The following CENPO variants were observed in gnomAD, a reference collection of about 807,000 sequenced individuals.
CENPO encodes the protein centromere protein O.
In CENPO, 30 loss-of-function variants were observed where a neutral mutation model predicts 36.1. The ratio of observed to expected loss-of-function variants is 0.83; its 90% CI spans 0.62 to 1.13. The LOEUF (loss-of-function observed/expected upper bound fraction) is 1.13, where lower values mean the gene tolerates loss of function less well. Ranked by LOEUF, CENPO falls within the 50% of genes most tolerant of loss-of-function variation. The pLI, the probability that CENPO is intolerant of heterozygous loss-of-function variation, is 0.00. For synonymous variants in CENPO, 171 were observed against 142.3 expected, an observed-to-expected ratio of 1.20 and a Z score of -1.44; for missense variants, 349 against 357.8, an observed-to-expected ratio of 0.98 and a Z score of 0.20.
At position 24,821,824 on chromosome 2, in the gene CENPO, G is replaced by T. The variant is rs1228012917; in HGVS notation, c.*2506G>T. 6 of 832,780 alleles carry T rather than the reference G, an allele frequency of 7.2e-6. No homozygotes were observed. Among genetic ancestry groups the T allele is most frequent in the Non-Finnish European group, 1.1e-5 (6 of 551,968 alleles). 51.6% of individuals were successfully genotyped at this position (832,780 alleles called of 1,614,324 possible). A position where few individuals can be genotyped will look rare whatever the true frequency, so the allele number is the denominator to read the frequency against. On this transcript the variant is annotated 3_prime_UTR_variant, in exon 8 of 8. Transcript: ENST00000380834. The stretch of plus-strand genomic sequence containing the variant: ...GACTTGCCACTGTGACAAAGTTCAC[G>T]TAGCAGGTCTAGGCAAAGACTGGGC...
Position 24,815,940 on chromosome 2 carries a change from G to A in CENPO, c.594+184G>A, listed in dbSNP as rs142672145. 2,246 of 620,250 alleles carry A rather than the reference G, an allele frequency of 3.6e-3. 3 individuals are homozygous for A. The highest frequency in any genetic ancestry group is 5.3e-3 in the Middle Eastern group (18 of 3,388). 38.4% of individuals were successfully genotyped at this position (620,250 alleles called of 1,614,324 possible). The stretch of plus-strand genomic sequence containing the variant: ...CCTCTTTTCTTTTGAAACTCTGGAT[G>A]GCGTTGAAGCCTGGGTACTGGTTAA... On this transcript the variant is annotated intron_variant, in intron 5 of 7. Transcript: ENST00000380834.
intron 6 of CENPO, 32 bp downstream of exon 6, chr2:24,816,849 A>C: frequency 6.5e-7 from 1 of 1,548,032 alleles, no homozygotes; most frequent in Non-Finnish European, 8.7e-7. Flanking sequence ...AGAAATTCTC[A>C]TATCCCAGTT....
chr2:24,798,071 G>A (rs769834643), intron 2 of CENPO, among the ~76,000 whole-genome samples: 21 of 152,166 alleles, frequency 1.4e-4, no homozygotes, highest in Non-Finnish European at 3.1e-4. Context: ...TGTTCAGCCA[G>A]TAAGTGTAAT....
intron 6 of CENPO, among the ~76,000 whole-genome samples, chr2:24,817,466 C>CAGAAAAAAAAAAAAAAAAA (rs1553327910): frequency 9.1e-6 from 1 of 110,084 alleles, no homozygotes; most frequent in African/African-American, 4.3e-5. Context: ...TAGTCCAGAC[C>CAGAAAAAAAAAAAAAAAAA]AAAAAAAAAA....
chr2:24,797,999 G>C (rs1665987298), intron 2 of CENPO, among the ~76,000 whole-genome samples: 1 of 152,164 alleles, frequency 6.6e-6, no homozygotes, highest in South Asian at 2.1e-4. Flanking sequence ...GAAGCTTTTT[G>C]AGCACTGACA....
At position 24,799,720 on chromosome 2, in the gene CENPO, C is replaced by G; in HGVS notation, c.92C>G (p.Ser31Cys). 6.2e-7 allele frequency: 1 copy of G among 1,613,990 alleles called. No homozygotes were observed. Among genetic ancestry groups the G allele is most frequent in the Non-Finnish European group, 8.5e-7 (1 of 1,180,008 alleles). The change falls in exon 3 of 8, where the codon TCC becomes TGC. Residue 31 changes from serine to cysteine, a missense_variant. Physicochemically the swap from Ser to Cys is moderately radical, Grantham distance 112. Transcript: ENST00000380834. Reference protein sequence around the residue: ...LERLETQVSRSRKQSEELQSV... With the variant: ...LERLETQVSRCRKQSEELQSV... ...AGGCTAGAGACCCAAGTGAGCAGAT[C>G]CCGTAAACAGTCTGAAGAGCTGCAG...
Position 24,820,302 on chromosome 2 carries a change from G to C in CENPO, c.*984G>C. The C allele has an allele frequency of 7.7e-7, 1 of 1,306,942 alleles. No homozygotes were observed. Among genetic ancestry groups the C allele is most frequent in the Non-Finnish European group, 9.8e-7 (1 of 1,017,426 alleles). 81.0% of individuals were successfully genotyped at this position (1,306,942 alleles called of 1,614,324 possible). A position where few individuals can be genotyped will look rare whatever the true frequency, so the allele number is the denominator to read the frequency against. On this transcript the variant is annotated 3_prime_UTR_variant, in exon 8 of 8. Coordinates refer to ENST00000380834, the MANE Select transcript of CENPO (RefSeq NM_001322101.2). ...GCAGCGGGTGGGAAGGAGAACCCTG[G>C]AGTGACTGGCTGGGGGCCTCCTCTC...
intron 3 of CENPO, among the ~76,000 whole-genome samples, chr2:24,811,786 C>CG (rs1558378381): frequency 1.3e-5 from 2 of 151,886 alleles, no homozygotes; most frequent in African/African-American, 4.8e-5. Context: ...TTAGTAGAGA[C>CG]GGGGTTTCAC....
intron 3 of CENPO, among the ~76,000 whole-genome samples, chr2:24,811,619 G>A (rs1313305054): frequency 2.9e-4 from 44 of 151,932 alleles, no homozygotes; most frequent in Admixed American, 8.5e-4. Context: ...CCGCCACCAC[G>A]CCCAGCTAGT....
Position 24,821,783 on chromosome 2 carries a change from C to T in CENPO, c.*2465C>T. On this transcript the variant is annotated 3_prime_UTR_variant, in exon 8 of 8. Coordinates refer to ENST00000380834, the MANE Select transcript of CENPO (RefSeq NM_001322101.2). ...TACTTTTCCTCCCACAAAGGAGTCG[C>T]AGCCACGCTAGCTCTGACTTGCCAC... is the stretch of plus-strand genomic sequence containing the variant. 1 of 1,253,742 alleles carries T rather than the reference C, an allele frequency of 8.0e-7. No homozygotes were observed. The highest frequency in any genetic ancestry group is 2.3e-5 in the Admixed American group (1 of 42,830). The allele number at this position is 1,253,742 out of a possible 1,614,324, so 77.7% of individuals were successfully genotyped here. A position where few individuals can be genotyped will look rare whatever the true frequency, so the allele number is the denominator to read the frequency against.
intron 3 of CENPO, among the ~76,000 whole-genome samples, chr2:24,803,483 T>C (rs1666245855): frequency 6.6e-6 from 1 of 152,234 alleles, no homozygotes; most frequent in Non-Finnish European, 1.5e-5. Flanking sequence ...TAAATTTCCG[T>C]CTACACACTG....
Position 24,819,681 on chromosome 2 carries a change from T to G in CENPO, c.*363T>G. 1 of 403,950 alleles carries G rather than the reference T, an allele frequency of 2.5e-6. No individual in the cohort carries two copies. Among genetic ancestry groups the G allele is most frequent in the Non-Finnish European group, 4.4e-6 (1 of 226,192 alleles). The allele number at this position is 403,950 out of a possible 1,614,324, so 25.0% of individuals were successfully genotyped here. On this transcript the variant is annotated 3_prime_UTR_variant, in exon 8 of 8. Transcript: ENST00000380834. ...CCCTCAGGGGCAAGGACGGCAGGGATTGGAACGAGGGCTCTGGAAGGACTG... is the reference window on the plus strand; with the variant it reads ...CCCTCAGGGGCAAGGACGGCAGGGAGTGGAACGAGGGCTCTGGAAGGACTG...
At chr2:24,801,694 T>G (rs1666173030) in intron 3 of CENPO, among the ~76,000 whole-genome samples, 1 of 152,220 alleles carries the variant, frequency 6.6e-6, no homozygotes, top group Non-Finnish European at 1.5e-5. Flanking sequence ...ATATCTCTGT[T>G]TTGGTACCAG....
intron 7 of CENPO, 125 bp downstream of exon 7, chr2:24,817,966 A>C: frequency 1.5e-6 from 1 of 679,664 alleles, no homozygotes; most frequent in Non-Finnish European, 2.4e-6. Context: ...TTGAGTATAG[A>C]CACTGGCATT....
intron 2 of CENPO, 27 bp downstream of exon 2, chr2:24,793,992 C>T (rs754815872): frequency 1.3e-6 from 2 of 1,540,760 alleles, no homozygotes; most frequent in Non-Finnish European, 9.0e-7. Context: ...CGCCTCCTTC[C>T]TGCTGCTGCC....
intron 7 of CENPO, among the ~76,000 whole-genome samples, chr2:24,818,863 C>CAGAT (rs1297766955): frequency 5.9e-5 from 9 of 152,358 alleles, no homozygotes; most frequent in Admixed American, 2.6e-4. Context: ...TGCCCAGGCA[C>CAGAT]AGATAGGAGT....
rs1383306250 is a variant in CENPO, at chr2:24,820,591, C to T, written c.*1273C>T. 4.0e-6 allele frequency: 6 copies of T among 1,481,768 alleles called. No individual in the cohort carries two copies. The highest frequency in any genetic ancestry group is 4.5e-6 in the Non-Finnish European group (5 of 1,105,824). 91.8% of individuals were successfully genotyped at this position (1,481,768 alleles called of 1,614,324 possible). ...TAGCTATTGCAGAGATTCTTTTCCACTTGCCCCACGTCTCTGCCTCTGGAC... is the reference window on the plus strand; with the variant it reads ...TAGCTATTGCAGAGATTCTTTTCCATTTGCCCCACGTCTCTGCCTCTGGAC... On this transcript the variant is annotated 3_prime_UTR_variant, in exon 8 of 8. Transcript: ENST00000380834.
intron 2 of CENPO, among the ~76,000 whole-genome samples, chr2:24,797,338 G>A (rs1467790023): frequency 2.0e-5 from 3 of 152,176 alleles, no homozygotes; most frequent in African/African-American, 7.2e-5. Flanking sequence ...TTGATTGTCA[G>A]GTTCCTGTAA....
intron 3 of CENPO, among the ~76,000 whole-genome samples, chr2:24,812,679 A>G (rs1010288478): frequency 2.0e-5 from 3 of 152,086 alleles, no homozygotes; most frequent in African/African-American, 7.2e-5. Context: ...TTTTAAATCT[A>G]TTAAAATTCT....
Sources: allele counts gnomAD v4.1 joint callset (sites outside exome capture counted in the v4.1 genomes callset), GRCh38; gene constraint gnomAD v4.1.1; transcripts MANE v1.5; gene names NCBI Gene and HGNC (gene_info 2026-07-23, HGNC 2026-07-21).